Variants in CHRM2 observed in about 807,000 individuals in gnomAD.
The protein encoded by CHRM2 is muscarinic acetylcholine receptor M2.
Under a neutral mutation model 25.0 loss-of-function variants are expected in CHRM2, and 8 were observed. The ratio of observed to expected loss-of-function variants is 0.32; its 90% confidence interval spans 0.19 to 0.58. The LOEUF is 0.58. CHRM2 is among the 20% of genes least tolerant of loss of function. The probability of loss-of-function intolerance (pLI) is 0.88; values close to 1 mark genes in which losing one functional copy is unlikely to be tolerated. For synonymous variants in CHRM2, 202 were observed against 205.7 expected, an observed-to-expected ratio of 0.98 and a Z score of 0.15; for missense variants, 440 against 567.1, an observed-to-expected ratio of 0.78 and a Z score of 2.28.
chr7:136,979,199 A>T (rs1012844184), intron 2 of CHRM2, among the ~76,000 whole-genome samples: 1 of 152,128 alleles, frequency 6.6e-6, no homozygotes. Flanking sequence ...CTCTAATGAC[A>T]TGTGATGATG....
At chr7:136,878,880 ATG>A (rs1796151410) in intron 2 of CHRM2, among the ~76,000 whole-genome samples, 1 of 151,962 alleles carries the variant, frequency 6.6e-6, no homozygotes, top group Admixed American at 6.6e-5. Context: ...CTTTCAGAGG[ATG>A]TCTCACTATA....
chr7:136,915,442 C>CTGATAGGTTTTAATTGAAGTGATCAGTAA (rs1173581706), intron 2 of CHRM2, among the ~76,000 whole-genome samples: 1 of 151,714 alleles, frequency 6.6e-6, no homozygotes, highest in Non-Finnish European at 1.5e-5. Flanking sequence ...CTTGAATTGA[C>CTGATAGGTTTTAATTGAAGTGATCAGTAA]TGATAGGTTT....
intron 3 of CHRM2, among the ~76,000 whole-genome samples, chr7:137,001,872 G>C (rs541288683): frequency 3.9e-5 from 6 of 152,262 alleles, no homozygotes; most frequent in Non-Finnish European, 8.8e-5. Flanking sequence ...GCCAGTCTCA[G>C]CAGAAGAGTA....
chr7:136,901,486 T>C (rs368164866), intron 2 of CHRM2, among the ~76,000 whole-genome samples: 3 of 152,164 alleles, frequency 2.0e-5, no homozygotes, highest in African/African-American at 7.2e-5. Flanking sequence ...ATCTATAATG[T>C]GCTGTGCCCT....
intron 2 of CHRM2, chr7:136,938,594 C>T: frequency 3.4e-6 from 3 of 882,406 alleles, no homozygotes; most frequent in East Asian, 2.4e-5. Flanking sequence ...CAGGCCACCC[C>T]GAAAGCTGCT....
chr7:136,876,529 C>T (rs1322264845), intron 2 of CHRM2, among the ~76,000 whole-genome samples: 1 of 151,994 alleles, frequency 6.6e-6, no homozygotes. Context: ...CGCATAGATA[C>T]CCACAGTACC....
At chr7:136,959,803 C>T (rs1032459623) in intron 2 of CHRM2, among the ~76,000 whole-genome samples, 1 of 152,058 alleles carries the variant, frequency 6.6e-6, no homozygotes, top group Non-Finnish European at 1.5e-5. Flanking sequence ...CCCAGCTACT[C>T]GGGAGGCTAA....
chr7:137,015,172 G>C lies in CHRM2; in HGVS notation c.307G>C (p.Asp103His). 1 of 1,613,482 alleles carries C rather than the reference G, an allele frequency of 6.2e-7. No individual in the cohort carries two copies. The highest frequency in any genetic ancestry group is 8.5e-7 in the Non-Finnish European group (1 of 1,179,642). The change falls in exon 4 of 4, where the codon GAC (aspartate) becomes CAC (histidine). Residue 103 changes from aspartate (D) to histidine (H), a missense_variant. This residue lies in a region of CHRM2 where 86 missense variants were observed against 124.9 expected (regional missense o/e 0.69). Transcript: ENST00000680005. The surrounding 1 kb of genome is among the most constrained non-coding windows in gnomAD (Gnocchi z 5.1). ...PVVCDLWLAL[D>H]YVVSNASVMN... ...GGTGTGTGACCTTTGGCTAGCCCTG[G>C]ACTATGTGGTCAGCAATGCCTCAGT...
chr7:136,915,263 AT>A (rs1456800965), intron 2 of CHRM2, among the ~76,000 whole-genome samples: 2 of 151,986 alleles, frequency 1.3e-5, no homozygotes, highest in Admixed American at 6.6e-5. Context: ...TCTTAAAGTT[AT>A]AAAGTACAGT....
chr7:136,921,110 C>T (rs747261059), intron 2 of CHRM2, among the ~76,000 whole-genome samples: 18 of 152,094 alleles, frequency 1.2e-4, no homozygotes, highest in Non-Finnish European at 2.1e-4. Context: ...CCCTGCTCTC[C>T]TGTCGCTCAA....
chr7:136,890,408 T>C (rs1287805557), intron 2 of CHRM2, among the ~76,000 whole-genome samples: 1 of 152,264 alleles, frequency 6.6e-6, no homozygotes, highest in Non-Finnish European at 1.5e-5. Flanking sequence ...GAGAGGGTTC[T>C]GTGACCACTG....
intron 2 of CHRM2, among the ~76,000 whole-genome samples, chr7:136,890,890 T>C (rs1563048153): frequency 6.6e-6 from 1 of 152,182 alleles, no homozygotes; most frequent in African/African-American, 2.4e-5. Context: ...TATGTGTGTG[T>C]ATATGTGTGT....
At chr7:136,890,965 T>A (rs1185967217) in intron 2 of CHRM2, among the ~76,000 whole-genome samples, 3 of 152,210 alleles carry the variant, frequency 2.0e-5, no homozygotes, top group African/African-American at 7.2e-5. Flanking sequence ...TGTGTCTCCT[T>A]TCTTTCTCAC....
chr7:136,915,200 C>T (rs1267058808), intron 2 of CHRM2, among the ~76,000 whole-genome samples: 1 of 151,746 alleles, frequency 6.6e-6, no homozygotes, highest in African/African-American at 2.4e-5. Context: ...CATTTTGATA[C>T]TTAAGGGAAA....
chr7:136,941,194 A>G (rs1177735412), intron 2 of CHRM2, among the ~76,000 whole-genome samples: 1 of 152,188 alleles, frequency 6.6e-6, no homozygotes, highest in Admixed American at 6.5e-5. Context: ...ATCAGCCTCT[A>G]GCTTAAAACT....
intron 2 of CHRM2, among the ~76,000 whole-genome samples, chr7:136,982,731 G>A (rs538648161): frequency 1.1e-4 from 16 of 152,078 alleles, no homozygotes; most frequent in Non-Finnish European, 2.1e-4. Flanking sequence ...GAAATTCTGG[G>A]TTGAAAATTC....
intron 2 of CHRM2, among the ~76,000 whole-genome samples, chr7:136,988,610 C>G (rs1803012229): frequency 6.6e-6 from 1 of 152,102 alleles, no homozygotes; most frequent in African/African-American, 2.4e-5. Flanking sequence ...AACCTGTACT[C>G]TTTATTTCTT....
chr7:136,996,067 G>T (rs189878321), intron 3 of CHRM2, among the ~76,000 whole-genome samples: 1 of 151,756 alleles, frequency 6.6e-6, no homozygotes, highest in South Asian at 2.1e-4. Context: ...TCAAATTTGT[G>T]GAGAAAGTGT....
chr7:136,917,799 A>G (rs1798204518), intron 2 of CHRM2, among the ~76,000 whole-genome samples: 1 of 152,010 alleles, frequency 6.6e-6, no homozygotes, highest in African/African-American at 2.4e-5. Flanking sequence ...TGATTGGCCA[A>G]TAGGCTTATT....
Sources: allele counts gnomAD v4.1 joint callset (sites outside exome capture counted in the v4.1 genomes callset), GRCh38; gene constraint gnomAD v4.1.1; regional missense constraint gnomAD v4.1.1; non-coding constraint Gnocchi (gnomAD v3.1); transcripts MANE v1.5; gene names NCBI Gene and HGNC (gene_info 2026-07-23, HGNC 2026-07-21).